SUDS3: variants seen among roughly 807,000 people sequenced by gnomAD.
SUDS3 encodes sin3 histone deacetylase corepressor complex component SDS3.
In SUDS3, 23 loss-of-function variants were observed where a neutral mutation model predicts 53.5. The ratio of observed to expected loss-of-function variants is 0.43; its 90% CI spans 0.31 to 0.61. SUDS3 has a LOEUF of 0.61. Ranked by LOEUF, SUDS3 falls within the 20% of genes least tolerant of loss-of-function variation. SUDS3 has a pLI of 0.10. For missense variants in SUDS3, 291 were observed against 405.9 expected (o/e 0.72, Z 2.43); for synonymous variants, 150 against 148.5 (o/e 1.01, Z -0.08).
intron 10 of SUDS3, among the ~76,000 whole-genome samples, chr12:118,410,120 AT>A (rs141255438): frequency 6.8e-4 from 103 of 152,274 alleles, no homozygotes; most frequent in Non-Finnish European, 1.2e-3. Context: ...TCCCCAGTGT[AT>A]TTGAATCTCT....
chr12:118,395,148 C>G (rs1240612775), intron 6 of SUDS3, among the ~76,000 whole-genome samples: 1 of 150,910 alleles, frequency 6.6e-6, no homozygotes, highest in Admixed American at 6.6e-5. Context: ...AAGAGGTGAC[C>G]TGGATTTTGG....
At chr12:118,410,975 A>G (rs963430588) in intron 10 of SUDS3, 98 bp from the exon 11 acceptor site, 2 of 952,008 alleles carry the variant, frequency 2.1e-6, no homozygotes, top group African/African-American at 3.3e-5. Context: ...GACTTCTTTA[A>G]TTATAATTTT....
intron 10 of SUDS3, among the ~76,000 whole-genome samples, chr12:118,406,504 A>G (rs867612288): frequency 6.6e-6 from 1 of 152,202 alleles, no homozygotes; most frequent in Non-Finnish European, 1.5e-5. Context: ...AAAATAGTAC[A>G]GTAGTGGTAA....
intron 1 of SUDS3, among the ~76,000 whole-genome samples, chr12:118,378,510 C>G (rs1395961007): frequency 3.5e-5 from 5 of 142,966 alleles, no homozygotes; most frequent in Admixed American, 2.8e-4. Context: ...AAGATGGGGT[C>G]TCACTCACTC....
In SUDS3 at chr12:118,415,078, G is replaced by A. The variant is rs975437618; in HGVS notation, c.*645G>A. On this transcript the variant is annotated 3_prime_UTR_variant, in exon 12 of 12. Transcript: ENST00000543473. ...ATGTGCACTGAAGTAAATGGGGTTG[G>A]GGGAGGGGACATTTCATATTTATAA... The A allele has an allele frequency of 6.6e-6, 1 of 152,270 alleles. No individual in the cohort carries two copies. The highest frequency in any genetic ancestry group is 2.4e-5 in the African/African-American group (1 of 41,456). The allele number at this position is 152,270 out of a possible 1,614,324, so 9.4% of individuals were successfully genotyped here.
intron 11 of SUDS3, among the ~76,000 whole-genome samples, chr12:118,412,620 C>T (rs897608910): frequency 1.3e-5 from 2 of 152,302 alleles, no homozygotes; most frequent in African/African-American, 4.8e-5. Context: ...TCATGGTAAT[C>T]ATTTGCACCT....
At chr12:118,398,614 C>CTTTTTTTT (rs375288763) in intron 6 of SUDS3, among the ~76,000 whole-genome samples, 1 of 113,286 alleles carries the variant, frequency 8.8e-6, no homozygotes, top group African/African-American at 3.4e-5. Context: ...ATGCAGAAGC[C>CTTTTTTTT]TTTTTTTTTT....
intron 6 of SUDS3, among the ~76,000 whole-genome samples, chr12:118,399,735 G>A (rs146391177): frequency 3.3e-5 from 5 of 152,228 alleles, no homozygotes; most frequent in South Asian, 2.1e-4. Flanking sequence ...ATTTGTTCTC[G>A]CATGGAAGGA....
In SUDS3 at chr12:118,417,075, G is replaced by C. The variant is rs1011663819; in HGVS notation, c.*2642G>C. 6.6e-6 allele frequency: 1 copy of C among 151,820 alleles called. No individual in the cohort carries two copies. The highest frequency in any genetic ancestry group is 1.5e-5 in the Non-Finnish European group (1 of 67,984). 9.4% of individuals were successfully genotyped at this position (151,820 alleles called of 1,614,324 possible). A position where few individuals can be genotyped will look rare whatever the true frequency, so the allele number is the denominator to read the frequency against. ...GTTTTGTGTGTTCCCCTCCCCCCAT[G>C]CCCTGCCTACCCCCTTTTCCCTGAA... is the stretch of plus-strand genomic sequence containing the variant. On this transcript the variant is annotated 3_prime_UTR_variant, in exon 12 of 12. Transcript: ENST00000543473.
At chr12:118,393,201 TCATTC>T (rs1385605503) in intron 6 of SUDS3, among the ~76,000 whole-genome samples, 1 of 152,222 alleles carries the variant, frequency 6.6e-6, no homozygotes, top group African/African-American at 2.4e-5. Context: ...AGGCTTGATT[TCATTC>T]CTCTAATTGA....
chr12:118,378,316 T>C (rs763172903), intron 1 of SUDS3, among the ~76,000 whole-genome samples: 8 of 152,194 alleles, frequency 5.3e-5, no homozygotes, highest in Non-Finnish European at 1.2e-4. Flanking sequence ...TCTGCGTATC[T>C]GTGGGTTCTG....
In SUDS3 at chr12:118,402,122, T is replaced by G. The variant is rs532000501; in HGVS notation, c.697+118T>G. The G allele has an allele frequency of 1.4e-5, 17 of 1,188,778 alleles. No individual in the cohort carries two copies. In the African/African-American group the frequency reaches 1.5e-4, roughly 10 times the overall value. 73.6% of individuals were successfully genotyped at this position (1,188,778 alleles called of 1,614,324 possible). On this transcript the variant is annotated intron_variant, in intron 9 of 11. Transcript: ENST00000543473. ...AAAAATGAAATGTTCATCATTTGCCTAAGAGTAGTCATCATGAAAACTGAA... is the reference window on the plus strand; with the variant it reads ...AAAAATGAAATGTTCATCATTTGCCGAAGAGTAGTCATCATGAAAACTGAA...
chr12:118,402,364 T>A (rs569332875), intron 9 of SUDS3: 1 of 284,200 alleles, frequency 3.5e-6, no homozygotes, highest in South Asian at 5.0e-5. Context: ...TAAAGCCAAG[T>A]CCTAGGCAGT....
intron 11 of SUDS3, 57 bp downstream of exon 11, chr12:118,411,214 G>A (rs1261256687): frequency 6.7e-7 from 1 of 1,490,290 alleles, no homozygotes. Context: ...CGAAGTGTTG[G>A]TAGGGCAAAC....
At chr12:118,390,895 G>A in intron 5 of SUDS3, 1 of 595,804 alleles carries the variant, frequency 1.7e-6, no homozygotes, top group Non-Finnish European at 3.2e-6. Flanking sequence ...GGATGTGGAA[G>A]CGAAAAAATA....
chr12:118,410,689 C>T lies in SUDS3; in HGVS notation c.804-384C>T, dbSNP rs543062469. Among the ~76,000 whole-genome samples, 9 of 152,028 alleles carry T rather than the reference C, an allele frequency of 5.9e-5. No homozygotes were observed. The East Asian group carries it at 1.2e-3, about 20-fold the overall frequency. ...TCGGCTCACTGCAAGCTCCGCCTCC[C>T]GGGTTCACACCATTCTCCTGCCTCA... On this transcript the variant is annotated intron_variant, in intron 10 of 11. Coordinates refer to ENST00000543473, the MANE Select transcript of SUDS3 (RefSeq NM_022491.3).
At chr12:118,413,230 C>G (rs561728739) in intron 11 of SUDS3, among the ~76,000 whole-genome samples, 1 of 152,200 alleles carries the variant, frequency 6.6e-6, no homozygotes, top group East Asian at 1.9e-4. Flanking sequence ...TTTTTAAAAC[C>G]TGAAAACTGA....
At position 118,397,187 on chromosome 12, in the gene SUDS3, G is replaced by C. The variant is rs560872168; in HGVS notation, c.518-3472G>C. On this transcript the variant is annotated intron_variant, in intron 6 of 11. Coordinates refer to ENST00000543473, the MANE Select transcript of SUDS3 (RefSeq NM_022491.3). Reference sequence around the variant, plus strand: ...TTTTTTATGGTTGGTGCATGATGTCGGAGAGGAAGCCTGACTGAATCCCTG... The same window carrying C: ...TTTTTTATGGTTGGTGCATGATGTCCGAGAGGAAGCCTGACTGAATCCCTG... 2.9e-4 allele frequency among the ~76,000 whole-genome samples: 44 copies of C among 152,180 alleles called. No individual in the cohort carries two copies. The South Asian group carries it at 8.7e-3, about 30-fold the overall frequency.
At chr12:118,385,990 A>C in intron 3 of SUDS3, 124 bp from the exon 4 acceptor site, 1 of 772,364 alleles carries the variant, frequency 1.3e-6, no homozygotes, top group Non-Finnish European at 2.2e-6. Context: ...AACTTTGCTG[A>C]GGTGTGTCTT....
Sources: allele counts gnomAD v4.1 joint callset (sites outside exome capture counted in the v4.1 genomes callset), GRCh38; gene constraint gnomAD v4.1.1; transcripts MANE v1.5; gene names NCBI Gene and HGNC (gene_info 2026-07-23, HGNC 2026-07-21).